The following NUDCD1 variants were observed in gnomAD, a reference collection of about 807,000 sequenced individuals.
The protein encoded by NUDCD1 is nudC domain-containing protein 1.
Under a neutral mutation model 67.8 loss-of-function variants are expected in NUDCD1, and 60 were observed. The ratio of observed to expected loss-of-function variants is 0.88; its 90% CI spans 0.72 to 1.10. The LOEUF is 1.10. Among genes scored for constraint, NUDCD1 ranks in the 50% least tolerant of loss-of-function variants. NUDCD1 has a pLI of 0.00. For missense variants in NUDCD1, 643 were observed against 695.0 expected, an observed-to-expected ratio of 0.93 and a Z score of 0.84; for synonymous variants, 244 against 230.8, an observed-to-expected ratio of 1.06 and a Z score of -0.52.
chr8:109,255,886 A>T (rs551912433), intron 8 of NUDCD1, among the ~76,000 whole-genome samples: 9 of 152,318 alleles, frequency 5.9e-5, no homozygotes, highest in Admixed American at 1.3e-4. Context: ...AGGTTTGAAG[A>T]ACAGCATAAT....
chr8:109,260,497 GC>G (rs1813841848), intron 8 of NUDCD1, among the ~76,000 whole-genome samples: 1 of 152,158 alleles, frequency 6.6e-6, no homozygotes, highest in African/African-American at 2.4e-5. Context: ...ACTGCGCCTG[GC>G]CCATATGCTA....
intron 8 of NUDCD1, among the ~76,000 whole-genome samples, chr8:109,267,956 T>C (rs1814041983): frequency 6.6e-6 from 1 of 152,216 alleles, no homozygotes; most frequent in Non-Finnish European, 1.5e-5. Flanking sequence ...GGGAAAATTA[T>C]GGAAAGCATA....
intron 2 of NUDCD1, among the ~76,000 whole-genome samples, chr8:109,320,018 G>A (rs936997469): frequency 1.3e-5 from 2 of 152,188 alleles, no homozygotes; most frequent in African/African-American, 4.8e-5. Flanking sequence ...GCGAATAGGT[G>A]TGGGTCACAG....
intron 2 of NUDCD1, among the ~76,000 whole-genome samples, chr8:109,310,792 G>A (rs1815225752): frequency 6.7e-6 from 1 of 149,670 alleles, no homozygotes; most frequent in African/African-American, 2.4e-5. Context: ...AGTGGGCTAA[G>A]GACGTGAATA....
intron 9 of NUDCD1, among the ~76,000 whole-genome samples, chr8:109,244,416 A>G (rs565269566): frequency 3.7e-4 from 57 of 152,266 alleles, no homozygotes; most frequent in African/African-American, 1.4e-3. Context: ...TCTTCTGACC[A>G]AAGTATAGAT....
intron 2 of NUDCD1, among the ~76,000 whole-genome samples, chr8:109,319,558 G>C (rs998023125): frequency 2.6e-5 from 4 of 152,172 alleles, no homozygotes; most frequent in African/African-American, 9.7e-5. Context: ...TGGTTACCTA[G>C]GACTTAAGTA....
intron 8 of NUDCD1, among the ~76,000 whole-genome samples, chr8:109,260,165 T>C (rs1305014059): frequency 6.6e-6 from 1 of 152,194 alleles, no homozygotes; most frequent in African/African-American, 2.4e-5. Context: ...CTGCAACAAT[T>C]ATGACCCAAA....
chr8:109,270,093 T>TGGGGGGGGGG (rs1563665969), intron 8 of NUDCD1, among the ~76,000 whole-genome samples: 2 of 6,550 alleles, frequency 3.1e-4, no homozygotes, highest in Non-Finnish European at 6.4e-4. Context: ...TGCCTTAAGG[T>TGGGGGGGGGG]GGGGTGTGAA....
Position 109,281,024 on chromosome 8 carries a change from T to A in NUDCD1, c.972A>T (p.Lys324Asn), listed in dbSNP as rs1184161510. The A allele has an allele frequency of 6.2e-7, 1 of 1,610,828 alleles. No individual in the cohort carries two copies. The highest frequency in any genetic ancestry group is 8.5e-7 in the Non-Finnish European group (1 of 1,177,454). ...VLKDHQFLEG[K>N]LYSSIDHESS... ...TTTCATGATCAATAGATGAATAGAG[T>A]TTTCCTTCTAAAAACTGGTGATCCT... The change falls in exon 6 of 10, where the codon AAA becomes AAT. Residue 324 changes from lysine (K) to asparagine (N), a missense_variant. By Grantham distance (94) the Lys-to-Asn change is moderately conservative (BLOSUM62 0). Coordinates refer to ENST00000239690, the MANE Select transcript of NUDCD1 (RefSeq NM_032869.4).
chr8:109,298,944 T>A (rs973865508), intron 2 of NUDCD1: 1 of 152,282 alleles, frequency 6.6e-6, no homozygotes, highest in African/African-American at 2.4e-5. Flanking sequence ...GTACCCAAAC[T>A]GTGGAAGTAG....
At chr8:109,263,695 T>C (rs1328227186) in intron 8 of NUDCD1, among the ~76,000 whole-genome samples, 3 of 152,104 alleles carry the variant, frequency 2.0e-5, no homozygotes, top group Non-Finnish European at 4.4e-5. Context: ...TCTCAAAGTA[T>C]GATATGCAGA....
Position 109,242,786 on chromosome 8 carries a change from CTT to C in NUDCD1, c.*221_*222del, listed in dbSNP as rs5893947. Reference sequence around the variant, plus strand: ...TATACTTGCTAGTACTATCTTCACTCTTTTTTTTTTTCAGAAGCCAATGTTCT... The same window carrying C: ...TATACTTGCTAGTACTATCTTCACTCTTTTTTTTTCAGAAGCCAATGTTCT... On this transcript the variant is annotated 3_prime_UTR_variant, in exon 10 of 10. Transcript: ENST00000239690. The C allele has an allele frequency of 7.5e-4, 207 of 275,802 alleles. No homozygotes were observed. Among genetic ancestry groups the C allele is most frequent in the South Asian group, 1.7e-3 (17 of 9,748 alleles). 17.1% of individuals were successfully genotyped at this position (275,802 alleles called of 1,614,324 possible).
At chr8:109,283,129 C>A (rs1814495655) in intron 5 of NUDCD1, among the ~76,000 whole-genome samples, 1 of 152,140 alleles carries the variant, frequency 6.6e-6, no homozygotes, top group Non-Finnish European at 1.5e-5. Flanking sequence ...TTGAAAAACT[C>A]ACTTATGGAA....
chr8:109,266,236 T>A (rs191307927), intron 8 of NUDCD1, among the ~76,000 whole-genome samples: 1 of 151,834 alleles, frequency 6.6e-6, no homozygotes, highest in Non-Finnish European at 1.5e-5. Context: ...GTAATAATTT[T>A]TTTTTTTGAG....
rs758597431 is a variant in NUDCD1 at position 109,289,876 on chromosome 8, T to C, written c.698A>G (p.His233Arg). The stretch of plus-strand genomic sequence containing the variant: ...TCCATCAGGCTCAATAGCAGCATAA[T>C]GTGGCACTGACTTTCCACGGAGAAT... The part of the protein sequence containing the change: ...RDILRGKSVP[H>R]YAAIEPDGNG... The change falls in exon 5 of 10, where the codon CAT (histidine) becomes CGT (arginine). Residue 233 changes from histidine (H) to arginine (R), a missense_variant. By Grantham distance (29) the His-to-Arg change is conservative. Transcript: ENST00000239690. 1 of 1,546,330 alleles carries C rather than the reference T, an allele frequency of 6.5e-7. No individual in the cohort carries two copies.
chr8:109,269,281 A>C (rs542353446), intron 8 of NUDCD1, among the ~76,000 whole-genome samples: 6 of 152,320 alleles, frequency 3.9e-5, no homozygotes, highest in African/African-American at 1.4e-4. Context: ...TGTAAAAGCA[A>C]ATATTTAATT....
intron 1 of NUDCD1, 70 bp downstream of exon 1, chr8:109,333,823 G>T (rs1341799121): frequency 6.6e-7 from 1 of 1,515,486 alleles, no homozygotes; most frequent in East Asian, 2.3e-5. Context: ...AAGAAATTGC[G>T]GGAAGGGTCA....
At chr8:109,303,621 C>T (rs1428947662) in intron 2 of NUDCD1, among the ~76,000 whole-genome samples, 1 of 142,366 alleles carries the variant, frequency 7.0e-6, no homozygotes, top group Non-Finnish European at 1.6e-5. Context: ...TAGGCTACAG[C>T]CACCCCTCAT....
chr8:109,315,539 T>C (rs1023780454), intron 2 of NUDCD1: 7 of 152,142 alleles, frequency 4.6e-5, no homozygotes, highest in Admixed American at 2.6e-4. Flanking sequence ...CTAATCATTG[T>C]CTGAGCATCA....
Sources: allele counts gnomAD v4.1 joint callset (sites outside exome capture counted in the v4.1 genomes callset), GRCh38; gene constraint gnomAD v4.1.1; transcripts MANE v1.5; gene names NCBI Gene and HGNC (gene_info 2026-07-23, HGNC 2026-07-21).